The following NCAM1 variants were observed in gnomAD, a reference collection of about 807,000 sequenced individuals.
NCAM1 encodes antigen recognized by monoclonal antibody 5.1H11.
In NCAM1, 14 loss-of-function variants were observed where a neutral mutation model predicts 109.8. The observed-to-expected ratio is 0.13, with a 90% CI of 0.08 to 0.20. The LOEUF (loss-of-function observed/expected upper bound fraction) is 0.20. Among genes scored for constraint, NCAM1 ranks in the 10% least tolerant of loss-of-function variants. The probability of loss-of-function intolerance (pLI) is 1.00; values close to 1 mark genes in which losing one functional copy is unlikely to be tolerated. For synonymous variants in NCAM1, 418 were observed against 442.9 expected (o/e 0.94, Z 0.70); for missense variants, 774 against 1,109.9 (o/e 0.70, Z 4.30).
chr11:113,201,167 A>G lies in NCAM1; in HGVS notation c.53-1212A>G, dbSNP rs529847603. ...TTGCTGGCATGGTTAGGAAGGCCGC[A>G]CCCCCTTCCCAGCCCCAAGCAGGCC... On this transcript the variant is annotated intron_variant, in intron 1 of 19. Transcript: ENST00000316851. 2.3e-3 allele frequency among the ~76,000 whole-genome samples: 352 copies of G among 151,814 alleles called. 10 individuals are homozygous for G. The highest frequency in any genetic ancestry group is 0.022 in the South Asian group (107 of 4,804).
At chr11:113,169,720 CG>C (rs1942930103) in intron 1 of NCAM1, among the ~76,000 whole-genome samples, 1 of 150,440 alleles carries the variant, frequency 6.6e-6, no homozygotes, top group African/African-American at 2.5e-5. Flanking sequence ...CTCGGCCTTC[CG>C]GGTTCAAGCG....
intron 14 of NCAM1, among the ~76,000 whole-genome samples, chr11:113,236,122 C>T (rs1232425816): frequency 6.6e-6 from 1 of 152,216 alleles, no homozygotes; most frequent in African/African-American, 2.4e-5. Context: ...GAAAGCCTGT[C>T]TCATCTTCCT....
chr11:112,997,207 A>G (rs1192052879), intron 1 of NCAM1, among the ~76,000 whole-genome samples: 1 of 152,140 alleles, frequency 6.6e-6, no homozygotes, highest in Non-Finnish European at 1.5e-5. Context: ...GTTACTGAAC[A>G]CTGTCTGGGT....
chr11:113,089,742 G>A (rs1443330161), intron 1 of NCAM1, among the ~76,000 whole-genome samples: 1 of 152,116 alleles, frequency 6.6e-6, no homozygotes, highest in Non-Finnish European at 1.5e-5. Flanking sequence ...AAAGCAACCG[G>A]GGAGGCATTT....
At chr11:112,980,377 G>C (rs1951121424) in intron 1 of NCAM1, among the ~76,000 whole-genome samples, 1 of 151,608 alleles carries the variant, frequency 6.6e-6, no homozygotes, top group Non-Finnish European at 1.5e-5. Flanking sequence ...GTACACTAAT[G>C]TTCATGGAAC....
intron 15 of NCAM1, among the ~76,000 whole-genome samples, chr11:113,253,536 C>T (rs1016617762): frequency 1.3e-5 from 2 of 152,238 alleles, no homozygotes; most frequent in East Asian, 3.9e-4. Flanking sequence ...GAAACTTGAT[C>T]GAGGCAACAG....
Position 113,050,520 on chromosome 11 carries a change from T to C in NCAM1, c.52+88856T>C, listed in dbSNP as rs1165470890. 4.6e-5 allele frequency among the ~76,000 whole-genome samples: 7 copies of C among 152,318 alleles called. No homozygotes were observed. The East Asian group carries it at 1.3e-3, about 29-fold the overall frequency. On this transcript the variant is annotated intron_variant, in intron 1 of 19. Transcript: ENST00000316851. ...GTGGCTTTATTTCTGGGTTCTCTGT[T>C]CTGTTACATTTATCTGTGTGTCTAT...
chr11:113,031,662 A>T (rs1952721891), intron 1 of NCAM1, among the ~76,000 whole-genome samples: 1 of 151,574 alleles, frequency 6.6e-6, no homozygotes, highest in Non-Finnish European at 1.5e-5. Context: ...ACTGCACTTC[A>T]GCCTGGGCAA....
At chr11:113,238,244 C>T (rs1222572945) in intron 14 of NCAM1, among the ~76,000 whole-genome samples, 2 of 152,042 alleles carry the variant, frequency 1.3e-5, no homozygotes, top group African/African-American at 4.8e-5. Context: ...CAGTTTTTCT[C>T]AATCATTTAA....
At chr11:113,106,322 C>A (rs111884032) in intron 1 of NCAM1, among the ~76,000 whole-genome samples, 20 of 152,252 alleles carry the variant, frequency 1.3e-4, no homozygotes, top group African/African-American at 4.6e-4. Flanking sequence ...CTTCTGAGTT[C>A]GTGGCATTAT....
intron 19 of NCAM1, 87 bp downstream of exon 19, chr11:113,271,963 C>T: frequency 3.2e-6 from 3 of 934,664 alleles, no homozygotes; most frequent in Non-Finnish European, 4.7e-6. Flanking sequence ...CGTGCCCCTA[C>T]CCACAGCTCC....
chr11:113,183,156 A>G (rs577382412), intron 1 of NCAM1, among the ~76,000 whole-genome samples: 2 of 152,204 alleles, frequency 1.3e-5, no homozygotes, highest in Non-Finnish European at 2.9e-5. Flanking sequence ...GGGCAAGACC[A>G]GAACAAAACC....
Position 113,204,413 on chromosome 11 carries a change from C to G in NCAM1, c.255C>G (p.Asn85Lys). 1 of 1,613,976 alleles carries G rather than the reference C, an allele frequency of 6.2e-7. No homozygotes were observed. The highest frequency in any genetic ancestry group is 1.1e-5 in the South Asian group (1 of 91,072). ...CCTCCTCCACCCTCACCATCTATAACGCCAACATCGACGACGCCGGCATTT... is the reference window on the plus strand; with the variant it reads ...CCTCCTCCACCCTCACCATCTATAAGGCCAACATCGACGACGCCGGCATTT... ...DDSSSTLTIY[N>K]ANIDDAGIYK... Residue 85 changes from asparagine to lysine, a missense_variant, in exon 3 of 20, where the codon AAC (asparagine) becomes AAG (lysine). Coordinates refer to ENST00000316851, the MANE Select transcript of NCAM1 (RefSeq NM_181351.5).
intron 1 of NCAM1, among the ~76,000 whole-genome samples, chr11:113,082,036 A>G (rs1203559813): frequency 6.6e-6 from 1 of 152,158 alleles, no homozygotes; most frequent in Non-Finnish European, 1.5e-5. Flanking sequence ...ATTGTCTTTT[A>G]ATGTGTATGT....
At chr11:113,156,029 T>G (rs1424639964) in intron 1 of NCAM1, among the ~76,000 whole-genome samples, 8 of 152,124 alleles carry the variant, frequency 5.3e-5, no homozygotes, top group African/African-American at 1.9e-4. Context: ...TTCTGGAGTC[T>G]GAGCAAATGG....
intron 1 of NCAM1, among the ~76,000 whole-genome samples, chr11:113,090,037 T>C (rs188788903): frequency 8.8e-4 from 134 of 152,334 alleles, no homozygotes; most frequent in South Asian, 4.1e-3. Flanking sequence ...ATTTGTAGGA[T>C]TTTGTGTGCA....
intron 1 of NCAM1, among the ~76,000 whole-genome samples, chr11:113,014,511 A>G (rs1195468942): frequency 1.3e-5 from 2 of 152,206 alleles, no homozygotes; most frequent in East Asian, 3.8e-4. Context: ...TTTCTTTAAG[A>G]TGAATGAATG....
chr11:113,243,681 G>C (rs1555119574), intron 14 of NCAM1: 1 of 483,984 alleles, frequency 2.1e-6, no homozygotes, highest in African/African-American at 2.0e-5. Flanking sequence ...CATGTTCATA[G>C]TGTTCAAGCA....
At chr11:113,254,560 C>G (rs1053084974) in intron 15 of NCAM1, among the ~76,000 whole-genome samples, 3 of 152,174 alleles carry the variant, frequency 2.0e-5, no homozygotes, top group Non-Finnish European at 2.9e-5. Flanking sequence ...GGTTCCTCCT[C>G]GTATCAAAGG....
Sources: gnomAD v4.1 joint callset for allele counts (sites outside exome capture counted in the v4.1 genomes callset) on GRCh38, gnomAD v4.1.1 for gene constraint, MANE v1.5 for transcripts, NCBI Gene and HGNC (gene_info 2026-07-23, HGNC 2026-07-21) for gene names.